The following XKR4 variants were observed in gnomAD, a reference collection of about 807,000 sequenced individuals.
XKR4 encodes XK-related protein 4.
XKR4 carries 12 observed loss-of-function variants against 53.9 expected under a neutral mutation model. The observed-to-expected ratio is 0.22, with a 90% CI of 0.14 to 0.36. The LOEUF is 0.36. Among genes scored for constraint, XKR4 ranks in the 10% least tolerant of loss-of-function variants. The pLI, the probability that XKR4 is intolerant of heterozygous loss-of-function variation, is 1.00. For synonymous variants in XKR4, 354 were observed against 362.4 expected (o/e 0.98, Z 0.26); for missense variants, 799 against 859.5 (o/e 0.93, Z 0.88).
intron 1 of XKR4, among the ~76,000 whole-genome samples, chr8:55,125,999 T>A (rs1004321051): frequency 3.3e-5 from 5 of 152,192 alleles, no homozygotes; most frequent in African/African-American, 9.7e-5. Flanking sequence ...GAATTTTGTA[T>A]TCCTTTTTTT....
chr8:55,255,555 A>C (rs934148579), intron 1 of XKR4, among the ~76,000 whole-genome samples: 19 of 152,326 alleles, frequency 1.2e-4, no homozygotes, highest in African/African-American at 4.3e-4. Context: ...GCTTAGGCAT[A>C]AAGAAAGTGA....
intron 1 of XKR4, among the ~76,000 whole-genome samples, chr8:55,108,143 C>T (rs1012326098): frequency 1.3e-5 from 2 of 152,046 alleles, no homozygotes; most frequent in African/African-American, 4.8e-5. Context: ...AATCTGCTTT[C>T]TGAGTAAAGT....
chr8:55,445,833 CA>C (rs1364846169), intron 2 of XKR4, among the ~76,000 whole-genome samples: 1 of 152,206 alleles, frequency 6.6e-6, no homozygotes, highest in Non-Finnish European at 1.5e-5. Context: ...AAGGTTATTT[CA>C]GGCATTGTTA....
chr8:55,234,127 C>T (rs566339941), intron 1 of XKR4, among the ~76,000 whole-genome samples: 2 of 152,242 alleles, frequency 1.3e-5, no homozygotes, highest in East Asian at 1.9e-4. Flanking sequence ...GAGACAGAAG[C>T]CTTTATTACC....
At chr8:55,389,447 A>T (rs1804412196) in intron 2 of XKR4, among the ~76,000 whole-genome samples, 1 of 152,222 alleles carries the variant, frequency 6.6e-6, no homozygotes, top group Non-Finnish European at 1.5e-5. Context: ...TACAATAAAG[A>T]GCAATATAAG....
intron 1 of XKR4, among the ~76,000 whole-genome samples, chr8:55,130,897 C>A (rs756494076): frequency 2.0e-5 from 3 of 152,120 alleles, no homozygotes; most frequent in Non-Finnish European, 4.4e-5. Flanking sequence ...CGGTGGCTCA[C>A]GTCTGTAATC....
At chr8:55,253,805 C>T (rs1818395161) in intron 1 of XKR4, among the ~76,000 whole-genome samples, 1 of 146,084 alleles carries the variant, frequency 6.8e-6, no homozygotes, top group Admixed American at 7.0e-5. Flanking sequence ...ATGATCATGG[C>T]TTACTGCAGC....
chr8:55,131,121 T>G (rs1352357669), intron 1 of XKR4, among the ~76,000 whole-genome samples: 1 of 151,418 alleles, frequency 6.6e-6, no homozygotes, highest in Admixed American at 6.6e-5. Context: ...ATCACACCAT[T>G]GCACTCCAGC....
At chr8:55,257,200 G>A (rs1818450176) in intron 1 of XKR4, among the ~76,000 whole-genome samples, 1 of 152,286 alleles carries the variant, frequency 6.6e-6, no homozygotes, top group African/African-American at 2.4e-5. Flanking sequence ...GCAGATTAAA[G>A]CCCATATATA....
intron 1 of XKR4, among the ~76,000 whole-genome samples, chr8:55,280,471 A>G (rs1687718687): frequency 6.6e-6 from 1 of 152,204 alleles, no homozygotes; most frequent in Non-Finnish European, 1.5e-5. Context: ...AAGACTAGGA[A>G]AGGTGCTTCT....
At chr8:55,265,752 G>A (rs1031431967) in intron 1 of XKR4, among the ~76,000 whole-genome samples, 79 of 152,054 alleles carry the variant, frequency 5.2e-4, no homozygotes, top group African/African-American at 1.7e-3. Context: ...GGGTCAAGGC[G>A]GGCAGATCAT....
intron 1 of XKR4, among the ~76,000 whole-genome samples, chr8:55,283,383 G>A (rs1054260362): frequency 1.3e-5 from 2 of 152,150 alleles, no homozygotes; most frequent in Non-Finnish European, 2.9e-5. Flanking sequence ...GTGGCCCAAG[G>A]CAATTCCAGA....
intron 1 of XKR4, among the ~76,000 whole-genome samples, chr8:55,234,107 G>A (rs1818086688): frequency 6.6e-6 from 1 of 152,164 alleles, no homozygotes; most frequent in South Asian, 2.1e-4. Flanking sequence ...TGTGATTCCT[G>A]TGGACCAGGG....
At chr8:55,448,335 T>G (rs1308615896) in intron 2 of XKR4, among the ~76,000 whole-genome samples, 1 of 152,194 alleles carries the variant, frequency 6.6e-6, no homozygotes, top group South Asian at 2.1e-4. Flanking sequence ...TACCAATCAA[T>G]GAAATGAAAA....
At chr8:55,194,765 G>A (rs1366339806) in intron 1 of XKR4, among the ~76,000 whole-genome samples, 1 of 152,142 alleles carries the variant, frequency 6.6e-6, no homozygotes, top group Non-Finnish European at 1.5e-5. Context: ...AACCTCTCAG[G>A]TGTCAAACAA....
intron 1 of XKR4, among the ~76,000 whole-genome samples, chr8:55,308,609 G>A (rs1477672320): frequency 6.6e-6 from 1 of 152,152 alleles, no homozygotes; most frequent in Non-Finnish European, 1.5e-5. Context: ...TGGGGACACA[G>A]AGACAAACCA....
At chr8:55,443,201 T>C (rs1002694978) in intron 2 of XKR4, among the ~76,000 whole-genome samples, 2 of 152,068 alleles carry the variant, frequency 1.3e-5, no homozygotes, top group Non-Finnish European at 2.9e-5. Flanking sequence ...ATGTTTCCTA[T>C]GAACATGGAC....
chr8:55,435,744 T>A (rs1047704903), intron 2 of XKR4, among the ~76,000 whole-genome samples: 9 of 151,950 alleles, frequency 5.9e-5, no homozygotes, highest in African/African-American at 2.2e-4. Context: ...TTTTAAAAAA[T>A]TTTTATTGTG....
intron 1 of XKR4, among the ~76,000 whole-genome samples, chr8:55,312,331 T>A (rs186388227): frequency 8.4e-4 from 128 of 152,350 alleles, no homozygotes; most frequent in Non-Finnish European, 2.6e-4. Context: ...CAACTTATAA[T>A]GACACCTTTG....
Sources: allele counts gnomAD v4.1 joint callset (sites outside exome capture counted in the v4.1 genomes callset), GRCh38; gene constraint gnomAD v4.1.1; transcripts MANE v1.5; gene names NCBI Gene and HGNC (gene_info 2026-07-23, HGNC 2026-07-21).